SIPA1L1: variants seen among roughly 807,000 people sequenced by gnomAD.
The protein encoded by SIPA1L1 is signal-induced proliferation-associated 1-like protein 1.
A neutral mutation model predicts 162.7 loss-of-function variants in SIPA1L1; 26 were observed. That is an observed-to-expected ratio of 0.16 (90% CI 0.12 to 0.22). The LOEUF is 0.22. Among genes scored for constraint, SIPA1L1 ranks in the 10% least tolerant of loss-of-function variants. SIPA1L1 has a pLI of 1.00. For missense variants in SIPA1L1, 1,874 were observed against 2,241.0 expected (o/e 0.84, Z 3.31); for synonymous variants, 829 against 837.4 (o/e 0.99, Z 0.17).
At chr14:71,529,948 C>T (rs2053268718) in intron 4 of SIPA1L1, among the ~76,000 whole-genome samples, 1 of 152,222 alleles carries the variant, frequency 6.6e-6, no homozygotes, top group South Asian at 2.1e-4. Context: ...TCTGGTGTAG[C>T]TGCAGCATTG....
chr14:71,726,297 G>T (rs372056638), intron 19 of SIPA1L1, among the ~76,000 whole-genome samples: 1 of 152,162 alleles, frequency 6.6e-6, no homozygotes, highest in East Asian at 1.9e-4. Flanking sequence ...GCAACCTTGC[G>T]AAAGACAGTG....
intron 13 of SIPA1L1, among the ~76,000 whole-genome samples, chr14:71,692,878 G>A (rs1156946880): frequency 6.6e-6 from 1 of 152,192 alleles, no homozygotes; most frequent in African/African-American, 2.4e-5. Context: ...AGCACCAGGA[G>A]GGTAGGCTGT....
At chr14:71,679,061 A>G (rs917721722) in intron 12 of SIPA1L1, among the ~76,000 whole-genome samples, 1 of 152,192 alleles carries the variant, frequency 6.6e-6, no homozygotes, top group Non-Finnish European at 1.5e-5. Flanking sequence ...GCAGGCCAAC[A>G]TTCATATTCA....
intron 4 of SIPA1L1, among the ~76,000 whole-genome samples, chr14:71,550,711 T>TA (rs2055735951): frequency 6.6e-6 from 1 of 152,130 alleles, no homozygotes; most frequent in African/African-American, 2.4e-5. Context: ...TTCAGACTTG[T>TA]ATTTCCAATT....
At chr14:71,355,507 C>T (rs2037153761) in intron 2 of SIPA1L1, among the ~76,000 whole-genome samples, 1 of 152,186 alleles carries the variant, frequency 6.6e-6, no homozygotes, top group Non-Finnish European at 1.5e-5. Context: ...GATCACCTTG[C>T]CTGCAGTTGG....
At chr14:71,521,550 AG>A (rs1370516037) in intron 3 of SIPA1L1, among the ~76,000 whole-genome samples, 1 of 152,224 alleles carries the variant, frequency 6.6e-6, no homozygotes, top group African/African-American at 2.4e-5. Flanking sequence ...ACTTCATAGT[AG>A]AAGGACAGGA....
chr14:71,529,642 A>G (rs1825832408), intron 4 of SIPA1L1, among the ~76,000 whole-genome samples: 1 of 152,214 alleles, frequency 6.6e-6, no homozygotes, highest in Non-Finnish European at 1.5e-5. Context: ...GGTTGGATCC[A>G]TATCATGCGT....
intron 2 of SIPA1L1, among the ~76,000 whole-genome samples, chr14:71,398,926 A>G (rs979045548): frequency 3.3e-5 from 5 of 152,226 alleles, no homozygotes; most frequent in African/African-American, 1.2e-4. Flanking sequence ...TACCCAATAG[A>G]TGTTTCATAA....
chr14:71,534,211 A>G (rs539885337), intron 4 of SIPA1L1, among the ~76,000 whole-genome samples: 1 of 152,360 alleles, frequency 6.6e-6, no homozygotes, highest in Non-Finnish European at 1.5e-5. Flanking sequence ...CCAAGAGACC[A>G]TGCCTTAGTA....
At chr14:71,441,177 G>T (rs773586031) in intron 2 of SIPA1L1, among the ~76,000 whole-genome samples, 5 of 152,158 alleles carry the variant, frequency 3.3e-5, no homozygotes, top group African/African-American at 4.8e-5. Context: ...TTGTCTGTTT[G>T]AATAATGGAA....
chr14:71,658,299 A>T, intron 8 of SIPA1L1, 34 bp from the exon 9 acceptor site: 1 of 968,510 alleles, frequency 1.0e-6, no homozygotes, highest in Non-Finnish European at 1.7e-6. Context: ...TTCCTGTTAT[A>T]GTCATCTCAT....
intron 6 of SIPA1L1, among the ~76,000 whole-genome samples, chr14:71,620,130 C>T (rs1423595683): frequency 6.6e-6 from 1 of 152,158 alleles, no homozygotes; most frequent in Non-Finnish European, 1.5e-5. Context: ...AGTGCAATGG[C>T]GCGATCTTGG....
chr14:71,690,208 C>T (rs2081157635), intron 13 of SIPA1L1, among the ~76,000 whole-genome samples: 1 of 152,130 alleles, frequency 6.6e-6, no homozygotes. Context: ...AATGCTCCAG[C>T]TAGGTCCCCA....
Position 71,661,483 on chromosome 14 carries a change from A to C in SIPA1L1, c.2255+16A>C. The C allele has an allele frequency of 1.2e-6, 2 of 1,608,670 alleles. No individual in the cohort carries two copies. The highest frequency in any genetic ancestry group is 1.7e-6 in the Non-Finnish European group (2 of 1,176,332). On this transcript the variant is annotated intron_variant, in intron 10 of 23. Transcript: ENST00000381232. ...TCTGTTATAGGTGTGTATGGGTGTCACAGCAGGGGCTCTGTGGATGTTGGC... is the reference window on the plus strand; with the variant it reads ...TCTGTTATAGGTGTGTATGGGTGTCCCAGCAGGGGCTCTGTGGATGTTGGC...
chr14:71,327,642 T>G (rs2033994739), intron 2 of SIPA1L1, among the ~76,000 whole-genome samples: 1 of 152,254 alleles, frequency 6.6e-6, no homozygotes, highest in African/African-American at 2.4e-5. Flanking sequence ...TTTTTTTCCA[T>G]ATTCTTGCAA....
chr14:71,729,950 G>A, intron 19 of SIPA1L1, 105 bp from the exon 20 acceptor site: 1 of 1,220,672 alleles, frequency 8.2e-7, no homozygotes, highest in Non-Finnish European at 1.2e-6. Flanking sequence ...CCTTGCTAGG[G>A]GTGTGTCTGG....
intron 2 of SIPA1L1, among the ~76,000 whole-genome samples, chr14:71,499,698 T>G (rs2050054078): frequency 6.6e-6 from 1 of 152,202 alleles, no homozygotes. Context: ...ATTGCCCTAA[T>G]TTTAGTAATG....
intron 4 of SIPA1L1, among the ~76,000 whole-genome samples, chr14:71,540,636 A>AAGTG: frequency 6.6e-6 from 1 of 152,258 alleles, no homozygotes; most frequent in Admixed American, 6.5e-5. Flanking sequence ...GAATGAGAAA[A>AAGTG]AGAATACAGT....
chr14:71,358,183 T>A (rs1594986502), intron 2 of SIPA1L1, among the ~76,000 whole-genome samples: 2 of 152,196 alleles, frequency 1.3e-5, no homozygotes, highest in Admixed American at 1.3e-4. Flanking sequence ...TCTTTTATGT[T>A]TCAAATGAAT....
Sources: gnomAD v4.1 joint callset for allele counts (sites outside exome capture counted in the v4.1 genomes callset) on GRCh38, gnomAD v4.1.1 for gene constraint, MANE v1.5 for transcripts, NCBI Gene and HGNC (gene_info 2026-07-23, HGNC 2026-07-21) for gene names.